MSRA: variants seen among roughly 807,000 people sequenced by gnomAD.
The protein encoded by MSRA is mitochondrial peptide methionine sulfoxide reductase.
A neutral mutation model predicts 31.3 loss-of-function variants in MSRA; 54 were observed. The ratio of observed to expected loss-of-function variants is 1.73; its 90% CI spans 1.39 to 2.17. The LOEUF (loss-of-function observed/expected upper bound fraction) is 2.17. MSRA is among the 30% of genes most tolerant of loss of function. The pLI, the probability that MSRA is intolerant of heterozygous loss-of-function variation, is 0.00. For synonymous variants in MSRA, 169 were observed against 116.5 expected, an observed-to-expected ratio of 1.45 and a Z score of -2.90; for missense variants, 507 against 300.9, an observed-to-expected ratio of 1.69 and a Z score of -5.07.
chr8:10,216,812 A>G (rs748612110), intron 2 of MSRA, among the ~76,000 whole-genome samples: 17 of 152,336 alleles, frequency 1.1e-4, no homozygotes, highest in East Asian at 1.9e-4. Context: ...CTGTCAATCA[A>G]TACTTGAGTT....
intron 1 of MSRA, among the ~76,000 whole-genome samples, chr8:10,156,307 C>CT: frequency 6.6e-6 from 1 of 152,206 alleles, no homozygotes; most frequent in South Asian, 2.1e-4. Flanking sequence ...TCACCCTTTC[C>CT]TTTTTTAAAG....
intron 5 of MSRA, among the ~76,000 whole-genome samples, chr8:10,335,009 CT>C (rs36105340): frequency 0.2 from 30,877 of 152,170 alleles, 3,771 homozygotes; most frequent in Non-Finnish European, 0.28. Context: ...CTCTCGTGTC[CT>C]TAGGTCTAGT....
chr8:10,362,260 C>G (rs1360612371), intron 5 of MSRA, among the ~76,000 whole-genome samples: 2 of 152,080 alleles, frequency 1.3e-5, no homozygotes, highest in African/African-American at 2.4e-5. Context: ...AAATATCGTC[C>G]TTACTTAGGA....
intron 3 of MSRA, among the ~76,000 whole-genome samples, chr8:10,279,794 T>G (rs1056879171): frequency 2.6e-5 from 4 of 152,238 alleles, no homozygotes; most frequent in African/African-American, 9.6e-5. Context: ...GCATCCATTA[T>G]GCCATCACTG....
rs144191546 is a variant in MSRA at position 10,107,186 on chromosome 8, C to A, written c.142+52528C>A. On this transcript the variant is annotated intron_variant, in intron 1 of 5. Transcript: ENST00000317173. ...TCCTGCTTTTCCTCACCTTCTTGTC[C>A]CTCTGCAACTCAGAGGGAGAATCAA... 1.2e-4 allele frequency among the ~76,000 whole-genome samples: 18 copies of A among 152,080 alleles called. No individual in the cohort carries two copies. The East Asian group carries it at 3.3e-3, about 28-fold the overall frequency.
At chr8:10,405,310 C>T (rs908121475) in intron 5 of MSRA, among the ~76,000 whole-genome samples, 4 of 152,224 alleles carry the variant, frequency 2.6e-5, no homozygotes, top group African/African-American at 4.8e-5. Flanking sequence ...ATCGCCCTGC[C>T]GGAGCACCTG....
At chr8:10,238,618 C>G (rs62491598) in intron 2 of MSRA, among the ~76,000 whole-genome samples, 37,591 of 152,008 alleles carry the variant, frequency 0.25, 5,188 homozygotes, top group Admixed American at 0.35. Flanking sequence ...GGACTACTTA[C>G]AACGATGTCA....
intron 5 of MSRA, among the ~76,000 whole-genome samples, chr8:10,339,750 C>T (rs1803298935): frequency 6.6e-6 from 1 of 150,614 alleles, no homozygotes; most frequent in Admixed American, 6.6e-5. Context: ...ACCGTGTTAG[C>T]CAGGCTGGTC....
At chr8:10,071,160 A>G (rs899735465) in intron 1 of MSRA, among the ~76,000 whole-genome samples, 2 of 152,188 alleles carry the variant, frequency 1.3e-5, no homozygotes, top group Non-Finnish European at 2.9e-5. Context: ...CCTCTCTAGC[A>G]TTTGGTGGTA....
chr8:10,369,845 T>G (rs992106890), intron 5 of MSRA, among the ~76,000 whole-genome samples: 3 of 152,148 alleles, frequency 2.0e-5, no homozygotes, highest in Admixed American at 6.5e-5. Flanking sequence ...GTTTTCTAAG[T>G]TTCAAAGCAC....
intron 2 of MSRA, among the ~76,000 whole-genome samples, chr8:10,231,585 C>G (rs1022634734): frequency 2.6e-5 from 4 of 152,138 alleles, no homozygotes; most frequent in African/African-American, 7.2e-5. Context: ...GTGGTTTGAA[C>G]TATATAGAAA....
intron 3 of MSRA, among the ~76,000 whole-genome samples, chr8:10,292,849 C>T (rs887035295): frequency 3.3e-5 from 5 of 151,682 alleles, no homozygotes; most frequent in Admixed American, 1.3e-4. Context: ...CAGCAGGAGC[C>T]GGTGGTGGGT....
chr8:10,366,386 A>G (rs1459694646), intron 5 of MSRA, among the ~76,000 whole-genome samples: 2 of 152,266 alleles, frequency 1.3e-5, no homozygotes, highest in Admixed American at 6.5e-5. Context: ...CAGGCTGGGC[A>G]GGGCACTGCG....
intron 2 of MSRA, among the ~76,000 whole-genome samples, chr8:10,214,234 T>C (rs1204314006): frequency 6.6e-6 from 1 of 152,136 alleles, no homozygotes; most frequent in Non-Finnish European, 1.5e-5. Context: ...GCTGTGTGAA[T>C]GGACAGGTCC....
chr8:10,312,219 C>T (rs750508905), intron 4 of MSRA, among the ~76,000 whole-genome samples: 1 of 151,896 alleles, frequency 6.6e-6, no homozygotes, highest in Non-Finnish European at 1.5e-5. Context: ...ATCAAAAAAG[C>T]CAAGAGTCGA....
chr8:10,322,726 G>T (rs893736153), intron 5 of MSRA, among the ~76,000 whole-genome samples: 3 of 152,072 alleles, frequency 2.0e-5, no homozygotes. Context: ...ATTATTATTG[G>T]GAGTTGTCAA....
At chr8:10,402,138 A>G (rs148527233) in intron 5 of MSRA, among the ~76,000 whole-genome samples, 13 of 152,302 alleles carry the variant, frequency 8.5e-5, no homozygotes, top group African/African-American at 2.9e-4. Flanking sequence ...CTCCTAGTGC[A>G]TTTCGATCGT....
chr8:10,279,331 G>A (rs935124417), intron 3 of MSRA, among the ~76,000 whole-genome samples: 8 of 152,186 alleles, frequency 5.3e-5, no homozygotes, highest in Non-Finnish European at 1.0e-4. Flanking sequence ...ATAGGGTGGA[G>A]TTTGGACATT....
At chr8:10,202,750 G>A (rs1563213692) in intron 1 of MSRA, among the ~76,000 whole-genome samples, 1 of 152,342 alleles carries the variant, frequency 6.6e-6, no homozygotes, top group Non-Finnish European at 1.5e-5. Flanking sequence ...GTTATATAGA[G>A]TTTGTTATGT....
Sources: allele counts gnomAD v4.1 joint callset (sites outside exome capture counted in the v4.1 genomes callset), GRCh38; gene constraint gnomAD v4.1.1; transcripts MANE v1.5; gene names NCBI Gene and HGNC (gene_info 2026-07-23, HGNC 2026-07-21).